Variants in TULP3 observed in about 807,000 individuals in gnomAD.
TULP3 encodes tubby-related protein 3.
In TULP3, 38 loss-of-function variants were observed where a neutral mutation model predicts 50.7. The ratio of observed to expected loss-of-function variants is 0.75; its 90% CI spans 0.58 to 0.98. The LOEUF (loss-of-function observed/expected upper bound fraction) is 0.98. Ranked by LOEUF, TULP3 falls within the 50% of genes least tolerant of loss-of-function variation. The probability of loss-of-function intolerance (pLI) is 0.00; values close to 1 mark genes in which losing one functional copy is unlikely to be tolerated. For missense variants in TULP3, 550 were observed against 568.0 expected (o/e 0.97, Z 0.32); for synonymous variants, 183 against 196.6 (o/e 0.93, Z 0.58).
At chr12:2,938,698 C>T (rs114786007) in intron 10 of TULP3, among the ~76,000 whole-genome samples, 7,005 of 152,014 alleles carry the variant, frequency 0.046, 535 homozygotes, top group African/African-American at 0.16. Context: ...GTGGGAGCAT[C>T]ACTTGAGCCA....
At chr12:2,921,885 C>G (rs2098191979) in intron 3 of TULP3, among the ~76,000 whole-genome samples, 1 of 152,128 alleles carries the variant, frequency 6.6e-6, no homozygotes, top group Non-Finnish European at 1.5e-5. Context: ...GTGTTTGAGA[C>G]TAGCCTGGGC....
chr12:2,918,692 G>A (rs900837025), intron 2 of TULP3, among the ~76,000 whole-genome samples: 2 of 146,380 alleles, frequency 1.4e-5, no homozygotes, highest in South Asian at 2.2e-4. Context: ...GGCATGCGCC[G>A]CCACATCCGG....
intron 2 of TULP3, among the ~76,000 whole-genome samples, chr12:2,916,965 C>A (rs922940651): frequency 6.6e-6 from 1 of 152,090 alleles, no homozygotes; most frequent in Non-Finnish European, 1.5e-5. Context: ...CCCCAGATAC[C>A]TTGGCAGGAA....
At chr12:2,924,564 C>T (rs1329651244) in intron 4 of TULP3, among the ~76,000 whole-genome samples, 2 of 151,808 alleles carry the variant, frequency 1.3e-5, no homozygotes, top group African/African-American at 4.8e-5. Flanking sequence ...ACTGGTAGTC[C>T]CAGCTACTTG....
intron 1 of TULP3, among the ~76,000 whole-genome samples, chr12:2,904,077 T>A (rs1214311428): frequency 2.0e-5 from 3 of 152,164 alleles, no homozygotes; most frequent in Non-Finnish European, 2.9e-5. Context: ...CCACCGTGCC[T>A]GGCCTAATGT....
chr12:2,935,135 AT>A (rs1366695114), intron 8 of TULP3, among the ~76,000 whole-genome samples: 1 of 152,132 alleles, frequency 6.6e-6, no homozygotes, highest in Non-Finnish European at 1.5e-5. Context: ...GTGACTACCC[AT>A]TGTGTGAGAT....
chr12:2,939,589 A>ACG lies in TULP3; in HGVS notation c.*145_*146insCG. On this transcript the variant is annotated 3_prime_UTR_variant, in exon 11 of 11. Transcript: ENST00000448120. The surrounding 1 kb of genome is among the most constrained non-coding windows in gnomAD (Gnocchi z 4.0). The stretch of plus-strand genomic sequence containing the variant: ...CTCTGAATATATAAAACACACACAC[A>ACG]AAGAGCAATAGTTTGCCCCTTTTGG... 9.1e-7 allele frequency: 1 copy of ACG among 1,102,256 alleles called. No individual in the cohort carries two copies. The highest frequency in any genetic ancestry group is 1.7e-5 in the African/African-American group (1 of 59,548). 68.3% of individuals were successfully genotyped at this position (1,102,256 alleles called of 1,614,324 possible). A position where few individuals can be genotyped will look rare whatever the true frequency, so the allele number is the denominator to read the frequency against.
chr12:2,928,975 G>A (rs945560342), intron 4 of TULP3, among the ~76,000 whole-genome samples: 1 of 151,764 alleles, frequency 6.6e-6, no homozygotes. Context: ...CAGTGCTGCA[G>A]CTCTTTTTAG....
chr12:2,930,663 TC>T (rs2098197444), intron 5 of TULP3, among the ~76,000 whole-genome samples: 1 of 152,086 alleles, frequency 6.6e-6, no homozygotes, highest in African/African-American at 2.4e-5. Flanking sequence ...GACCTCGTGA[TC>T]CGCCCGCCTC....
At chr12:2,917,365 G>A (rs981406801) in intron 2 of TULP3, among the ~76,000 whole-genome samples, 4 of 151,936 alleles carry the variant, frequency 2.6e-5, no homozygotes, top group African/African-American at 4.8e-5. Context: ...CCCGCTACTC[G>A]GGAGGCTGAG....
intron 1 of TULP3, among the ~76,000 whole-genome samples, chr12:2,897,644 A>G (rs1368337500): frequency 6.6e-6 from 1 of 151,052 alleles, no homozygotes; most frequent in East Asian, 2.0e-4. Context: ...CTCTCTCTCA[A>G]GACATAGGGT....
At chr12:2,930,008 C>T (rs898554396) in intron 4 of TULP3, among the ~76,000 whole-genome samples, 1 of 152,102 alleles carries the variant, frequency 6.6e-6, no homozygotes, top group Non-Finnish European at 1.5e-5. Context: ...TTTCATCATC[C>T]CAGAGACTTC....
chr12:2,940,811 C>A lies in TULP3; in HGVS notation c.*1367C>A. 1 of 1,254,288 alleles carries A rather than the reference C, an allele frequency of 8.0e-7. No homozygotes were observed. The highest frequency in any genetic ancestry group is 1.1e-6 in the Non-Finnish European group (1 of 909,972). The allele number at this position is 1,254,288 out of a possible 1,614,324, so 77.7% of individuals were successfully genotyped here. A position where few individuals can be genotyped will look rare whatever the true frequency, so the allele number is the denominator to read the frequency against. On this transcript the variant is annotated 3_prime_UTR_variant, in exon 11 of 11. Coordinates refer to ENST00000448120, the MANE Select transcript of TULP3 (RefSeq NM_003324.5). ...TGCTGGGTGAGGACGAGACTGTTTCCATCTCAGGCATGTATCCCACCAAGT... is the reference window on the plus strand; with the variant it reads ...TGCTGGGTGAGGACGAGACTGTTTCAATCTCAGGCATGTATCCCACCAAGT...
intron 4 of TULP3, among the ~76,000 whole-genome samples, chr12:2,922,740 A>C (rs1183184365): frequency 6.6e-6 from 1 of 151,718 alleles, no homozygotes; most frequent in Non-Finnish European, 1.5e-5. Context: ...CTCCACCTCC[A>C]TTTCATAGTT....
intron 1 of TULP3, among the ~76,000 whole-genome samples, chr12:2,901,410 A>G (rs1003076945): frequency 1.4e-5 from 2 of 141,622 alleles, no homozygotes; most frequent in Non-Finnish European, 3.0e-5. Context: ...GAGACAGAGT[A>G]TCACTCTGTT....
At chr12:2,909,446 C>G (rs900480563) in intron 1 of TULP3, 83 bp from the exon 2 acceptor site, 4 of 1,368,712 alleles carry the variant, frequency 2.9e-6, no homozygotes, top group South Asian at 2.6e-5. Context: ...CCAAATAGCC[C>G]AAAAGAGTAC....
chr12:2,899,651 T>C (rs956305268), intron 1 of TULP3, among the ~76,000 whole-genome samples: 3 of 152,092 alleles, frequency 2.0e-5, no homozygotes, highest in African/African-American at 7.2e-5. Flanking sequence ...CCCAGCACTT[T>C]GGGAGGCCAA....
intron 1 of TULP3, among the ~76,000 whole-genome samples, chr12:2,907,047 C>G (rs1448555724): frequency 6.6e-6 from 1 of 151,566 alleles, no homozygotes; most frequent in Non-Finnish European, 1.5e-5. Context: ...AAAATTTATA[C>G]TGATACACGG....
intron 2 of TULP3, among the ~76,000 whole-genome samples, chr12:2,911,279 ATC>A (rs2098185300): frequency 6.6e-6 from 1 of 152,072 alleles, no homozygotes; most frequent in Non-Finnish European, 1.5e-5. Flanking sequence ...TGATGAAAAC[ATC>A]TCTCTCTGCT....
Sources: gnomAD v4.1 joint callset for allele counts (sites outside exome capture counted in the v4.1 genomes callset) on GRCh38, gnomAD v4.1.1 for gene constraint, Gnocchi (gnomAD v3.1) non-coding constraint, MANE v1.5 for transcripts, NCBI Gene and HGNC (gene_info 2026-07-23, HGNC 2026-07-21) for gene names.